Variants in SALL3 observed in about 807,000 individuals in gnomAD.
The protein encoded by SALL3 is spalt like transcription factor 3.
SALL3 carries 25 observed loss-of-function variants against 66.2 expected under a neutral mutation model. The observed-to-expected ratio is 0.38, with a 90% confidence interval of 0.28 to 0.53. The LOEUF (loss-of-function observed/expected upper bound fraction) is 0.53. Ranked by LOEUF, SALL3 falls within the 20% of genes least tolerant of loss-of-function variation. The pLI is 0.85. For synonymous variants in SALL3, 1,152 were observed against 899.1 expected (o/e 1.28, Z -5.03); for missense variants, 2,194 against 1,916.5 (o/e 1.14, Z -2.70).
In SALL3 at chr18:78,994,459, T is replaced by C; in HGVS notation, c.2468T>C (p.Leu823Pro). The part of the protein sequence containing the change: ...DAATDPAKPL[L>P]SYAGSCPPSP... The stretch of plus-strand genomic sequence containing the variant: ...GCCACCGACCCGGCCAAGCCACTCC[T>C]GTCCTACGCGGGGTCCTGCCCGCCC... Residue 823 changes from leucine to proline, a missense_variant, in exon 2 of 3, where the codon CTG (leucine) becomes CCG (proline). By Grantham distance (98) the Leu-to-Pro change is moderately conservative. Transcript: ENST00000537592. 6.2e-7 allele frequency: 1 copy of C among 1,612,608 alleles called. No individual in the cohort carries two copies. Among genetic ancestry groups the C allele is most frequent in the Non-Finnish European group, 8.5e-7 (1 of 1,179,828 alleles).
chr18:78,987,064 C>T (rs1441065240), intron 1 of SALL3, among the ~76,000 whole-genome samples: 1 of 150,746 alleles, frequency 6.6e-6, no homozygotes, highest in Non-Finnish European at 1.5e-5. Context: ...AAAAAAAAAA[C>T]CTGTTTTAGG....
intron 1 of SALL3, among the ~76,000 whole-genome samples, chr18:78,987,037 T>G (rs1342141304): frequency 6.6e-6 from 1 of 151,996 alleles, no homozygotes; most frequent in East Asian, 1.9e-4. Flanking sequence ...AATATTATTC[T>G]AAGTAAACTT....
intron 1 of SALL3, among the ~76,000 whole-genome samples, chr18:78,987,084 A>G (rs1207028485): frequency 1.3e-5 from 2 of 152,028 alleles, no homozygotes; most frequent in Non-Finnish European, 2.9e-5. Flanking sequence ...GTTTTTTCTC[A>G]TGTAATTTCT....
rs1464051747 is a variant in SALL3, at chr18:78,980,306, ACCT to A, written c.34_36del (p.Leu12del). 1 of 1,430,700 alleles carries A rather than the reference ACCT, an allele frequency of 7.0e-7. No individual in the cohort carries two copies. The allele number at this position is 1,430,700 out of a possible 1,614,324, so 88.6% of individuals were successfully genotyped here. A position where few individuals can be genotyped will look rare whatever the true frequency, so the allele number is the denominator to read the frequency against. ...CGGCGCAAGCAGGCCAAGCCCCAGCACCTCAAGTCGGACGAGGAGCTGCTGCCG... is the reference window on the plus strand; with the variant it reads ...CGGCGCAAGCAGGCCAAGCCCCAGCACAAGTCGGACGAGGAGCTGCTGCCG... On this transcript the variant is annotated inframe_deletion, in exon 1 of 3. Transcript: ENST00000537592.
At chr18:78,982,936 TCA>T (rs1190501716) in intron 1 of SALL3, among the ~76,000 whole-genome samples, 2 of 152,206 alleles carry the variant, frequency 1.3e-5, no homozygotes, top group East Asian at 3.8e-4. Flanking sequence ...AGAGATGCAC[TCA>T]CATTAATTTA....
In SALL3 at chr18:78,993,181, G is replaced by C; in HGVS notation, c.1190G>C (p.Arg397Pro). Residue 397 changes from arginine (R) to proline (P), a missense_variant, in exon 2 of 3, where the codon CGC becomes CCC. By Grantham distance (103) the Arg-to-Pro change is moderately radical. Transcript: ENST00000537592. The stretch of plus-strand genomic sequence containing the variant: ...CCGCTGTCCGCGCTCATGAAGCACC[G>C]CAAGGGCAAGCCGCCCAATGTGTCG... ...LDPLSALMKH[R>P]KGKPPNVSVF... The C allele has an allele frequency of 6.2e-7, 1 of 1,609,844 alleles. No homozygotes were observed. Among genetic ancestry groups the C allele is most frequent in the Non-Finnish European group, 8.5e-7 (1 of 1,179,024 alleles).
Position 78,984,815 on chromosome 18 carries a change from G to A in SALL3, c.82+4459G>A, listed in dbSNP as rs911143922. Among the ~76,000 whole-genome samples, 16 of 152,320 alleles carry A rather than the reference G, an allele frequency of 1.1e-4. 1 individual carries two copies. The highest frequency in any genetic ancestry group is 6.8e-3 in the Middle Eastern group (2 of 294). On this transcript the variant is annotated intron_variant, in intron 1 of 2. Transcript: ENST00000537592. The stretch of plus-strand genomic sequence containing the variant: ...GATTGATTTGTTTCTTAATTAAAGG[G>A]AGGCGTTCTCCAGACTGAGACGGTG...
chr18:78,982,337 C>T (rs1281978859), intron 1 of SALL3, among the ~76,000 whole-genome samples: 2 of 152,134 alleles, frequency 1.3e-5, no homozygotes, highest in African/African-American at 4.8e-5. Flanking sequence ...CTTGTCAAGC[C>T]TGTGTTTTTC....
rs769631995 is a variant in SALL3 at position 78,994,455 on chromosome 18, C to T, written c.2464C>T (p.Leu822Phe). Residue 822 changes from leucine to phenylalanine, a missense_variant, in exon 2 of 3, where the codon CTC becomes TTC. Physicochemically the swap from Leu to Phe is conservative, Grantham distance 22 (BLOSUM62 0). Transcript: ENST00000537592. ...KDAATDPAKP[L>F]LSYAGSCPPS... ...CGCGGCCACCGACCCGGCCAAGCCA[C>T]TCCTGTCCTACGCGGGGTCCTGCCC... The T allele has an allele frequency of 6.2e-6, 10 of 1,612,586 alleles. No homozygotes were observed. The highest frequency in any genetic ancestry group is 4.0e-5 in the African/African-American group (3 of 74,934).
chr18:78,994,337 G>T lies in SALL3; in HGVS notation c.2346G>T (p.Glu782Asp), dbSNP rs775247490. The T allele has an allele frequency of 1.2e-6, 2 of 1,613,640 alleles. No individual in the cohort carries two copies. The highest frequency in any genetic ancestry group is 4.5e-5 in the East Asian group (2 of 44,866). The part of the protein sequence containing the change: ...PEGFQDAMDS[E>D]LAYDDKNAET... Reference sequence around the variant, plus strand: ...GCTTCCAGGATGCCATGGACTCCGAGCTGGCCTACGACGACAAGAACGCGG... The same window carrying T: ...GCTTCCAGGATGCCATGGACTCCGATCTGGCCTACGACGACAAGAACGCGG... Residue 782 changes from glutamate to aspartate, a missense_variant, in exon 2 of 3, where the codon GAG becomes GAT. By Grantham distance (45) the Glu-to-Asp change is conservative (BLOSUM62 2). Coordinates refer to ENST00000537592, the MANE Select transcript of SALL3 (RefSeq NM_171999.4).
rs1467391382 is a variant in SALL3, at chr18:78,993,496, C to G, written c.1505C>G (p.Ser502Trp). The G allele has an allele frequency of 6.2e-7, 1 of 1,606,810 alleles. No individual in the cohort carries two copies. Among genetic ancestry groups the G allele is most frequent in the Non-Finnish European group, 8.5e-7 (1 of 1,177,766 alleles). Reference protein sequence around the residue: ...PTCSGIPYGMSLPPEKPVTTW... With the variant: ...PTCSGIPYGMWLPPEKPVTTW... ...TGCTCGGGCATCCCCTACGGCATGTCGCTGCCCCCCGAGAAGCCCGTGACC... is the reference window on the plus strand; with the variant it reads ...TGCTCGGGCATCCCCTACGGCATGTGGCTGCCCCCCGAGAAGCCCGTGACC... The change falls in exon 2 of 3, where the codon TCG becomes TGG. Residue 502 changes from serine (S) to tryptophan (W), a missense_variant. Ser to Trp is a radical substitution (Grantham distance 177, BLOSUM62 -3). Coordinates refer to ENST00000537592, the MANE Select transcript of SALL3 (RefSeq NM_171999.4).
Position 78,994,105 on chromosome 18 carries a change from G to C in SALL3, c.2114G>C (p.Arg705Pro). 2 of 1,612,922 alleles carry C rather than the reference G, an allele frequency of 1.2e-6. No homozygotes were observed. The highest frequency in any genetic ancestry group is 1.7e-6 in the Non-Finnish European group (2 of 1,179,980). ...KMHYRTHTGERPFKCKICGRA... is the reference protein window; with the variant it reads ...KMHYRTHTGEPPFKCKICGRA... ...CACTACCGGACGCACACGGGGGAGC[G>C]GCCGTTCAAGTGCAAGATCTGCGGC... The change falls in exon 2 of 3, where the codon CGG (arginine) becomes CCG (proline). Residue 705 changes from arginine (R) to proline (P), a missense_variant. Arg to Pro is a moderately radical substitution (Grantham distance 103, BLOSUM62 -2). Transcript: ENST00000537592.
intron 1 of SALL3, among the ~76,000 whole-genome samples, chr18:78,986,362 T>C (rs1258969833): frequency 6.6e-6 from 1 of 152,094 alleles, no homozygotes; most frequent in Non-Finnish European, 1.5e-5. Context: ...AAGAGTGCCC[T>C]CCACTGTTCA....
Position 78,992,344 on chromosome 18 carries a change from A to G in SALL3, c.353A>G (p.Glu118Gly), listed in dbSNP as rs1414419187. Reference protein sequence around the residue: ...ESEAAEEAGAEGAEGEARPVE... With the variant: ...ESEAAEEAGAGGAEGEARPVE... The stretch of plus-strand genomic sequence containing the variant: ...GAGGCGGCCGAGGAGGCGGGTGCGG[A>G]GGGCGCGGAGGGCGAGGCCAGGCCG... The change falls in exon 2 of 3, where the codon GAG (glutamate) becomes GGG (glycine). Residue 118 changes from glutamate to glycine, a missense_variant. Glu to Gly is a moderately conservative substitution (Grantham distance 98). Transcript: ENST00000537592. 8.0e-6 allele frequency: 11 copies of G among 1,372,244 alleles called. No homozygotes were observed. Among genetic ancestry groups the G allele is most frequent in the Non-Finnish European group, 8.4e-6 (9 of 1,070,890 alleles). The allele number at this position is 1,372,244 out of a possible 1,614,324, so 85.0% of individuals were successfully genotyped here.
intron 1 of SALL3, 31 bp downstream of exon 1, chr18:78,980,387 G>T (rs888036449): frequency 1.5e-6 from 2 of 1,320,910 alleles, no homozygotes; most frequent in African/African-American, 1.5e-5. Context: ...GTGGCCGGGG[G>T]GTCTGGGGCT....
chr18:78,992,978 G>C lies in SALL3; in HGVS notation c.987G>C (p.Pro329=). The change falls in exon 2 of 3, where the codon CCG becomes CCC. Residue 329 remains proline, a synonymous_variant. Coordinates refer to ENST00000537592, the MANE Select transcript of SALL3 (RefSeq NM_171999.4). ...APAAPAPAPA[P]QSAASSQPQS... Reference sequence around the variant, plus strand: ...CTGCCCCCGCCCCGGCGCCAGCGCCGCAGAGCGCAGCCTCGTCGCAGCCGC... The same window carrying C: ...CTGCCCCCGCCCCGGCGCCAGCGCCCCAGAGCGCAGCCTCGTCGCAGCCGC... 7.4e-7 allele frequency: 1 copy of C among 1,358,588 alleles called. No individual in the cohort carries two copies. Among genetic ancestry groups the C allele is most frequent in the Non-Finnish European group, 9.4e-7 (1 of 1,063,488 alleles). 84.2% of individuals were successfully genotyped at this position (1,358,588 alleles called of 1,614,324 possible).
At position 78,993,952 on chromosome 18, in the gene SALL3, A is replaced by C. The variant is rs1914578343; in HGVS notation, c.1961A>C (p.Asp654Ala). ...KAQFPFGGLLDSMQTSETSKL... is the reference protein window; with the variant it reads ...KAQFPFGGLLASMQTSETSKL... The stretch of plus-strand genomic sequence containing the variant: ...CAGTTTCCGTTCGGGGGGCTGCTAG[A>C]CTCGATGCAAACGTCGGAAACCTCG... Residue 654 changes from aspartate (D) to alanine (A), a missense_variant, in exon 2 of 3, where the codon GAC becomes GCC. Coordinates refer to ENST00000537592, the MANE Select transcript of SALL3 (RefSeq NM_171999.4). The C allele has an allele frequency of 1.2e-6, 2 of 1,610,872 alleles. No individual in the cohort carries two copies. The highest frequency in any genetic ancestry group is 1.7e-6 in the Non-Finnish European group (2 of 1,179,088).
rs369785666 is a variant in SALL3 at position 78,992,995 on chromosome 18, C to T, written c.1004C>T (p.Ser335Leu). 6.2e-6 allele frequency: 9 copies of T among 1,457,168 alleles called. No homozygotes were observed. The highest frequency in any genetic ancestry group is 2.9e-5 in the African/African-American group (2 of 69,496). The allele number at this position is 1,457,168 out of a possible 1,614,324, so 90.3% of individuals were successfully genotyped here. ...CCAGCGCCGCAGAGCGCAGCCTCGT[C>T]GCAGCCGCAGAGCGCATCCACGCCG... ...PAPAPQSAAS[S>L]QPQSASTPPA... Residue 335 changes from serine (S) to leucine (L), a missense_variant, in exon 2 of 3, where the codon TCG becomes TTG. Ser to Leu is a moderately radical substitution (Grantham distance 145, BLOSUM62 -2). Coordinates refer to ENST00000537592, the MANE Select transcript of SALL3 (RefSeq NM_171999.4).
chr18:78,994,914 C>G lies in SALL3; in HGVS notation c.2923C>G (p.Pro975Ala). 6.2e-7 allele frequency: 1 copy of G among 1,613,328 alleles called. No individual in the cohort carries two copies. The highest frequency in any genetic ancestry group is 1.1e-5 in the South Asian group (1 of 91,046). Residue 975 changes from proline to alanine, a missense_variant, in exon 2 of 3, where the codon CCC becomes GCC. By Grantham distance (27) the Pro-to-Ala change is conservative (BLOSUM62 -1). Transcript: ENST00000537592. ...LFLSRERGKCPSTVCGVCGKP... is the reference protein window; with the variant it reads ...LFLSRERGKCASTVCGVCGKP... Reference sequence around the variant, plus strand: ...CCTGAGCAGGGAGCGGGGTAAGTGTCCCAGCACTGTGTGTGGTGTCTGTGG... The same window carrying G: ...CCTGAGCAGGGAGCGGGGTAAGTGTGCCAGCACTGTGTGTGGTGTCTGTGG...
Sources: allele counts gnomAD v4.1 joint callset (sites outside exome capture counted in the v4.1 genomes callset), GRCh38; gene constraint gnomAD v4.1.1; transcripts MANE v1.5; gene names NCBI Gene and HGNC (gene_info 2026-07-23, HGNC 2026-07-21).